TACR3: variants seen among roughly 807,000 people sequenced by gnomAD.
The protein encoded by TACR3 is neuromedin-K receptor.
In TACR3, 34 loss-of-function variants were observed where a neutral mutation model predicts 35.0. That is an observed-to-expected ratio of 0.97 (90% CI 0.74 to 1.30). The LOEUF (loss-of-function observed/expected upper bound fraction) is 1.30, where lower values mean the gene tolerates loss of function less well. Among genes scored for constraint, TACR3 ranks in the 50% most tolerant of loss-of-function variants. TACR3 has a pLI of 0.00. For missense variants in TACR3, 558 were observed against 591.7 expected, an observed-to-expected ratio of 0.94 and a Z score of 0.59; for synonymous variants, 233 against 221.1, an observed-to-expected ratio of 1.05 and a Z score of -0.48.
At chr4:103,680,484 T>TAC (rs1347262370) in intron 1 of TACR3, among the ~76,000 whole-genome samples, 76 of 106,126 alleles carry the variant, frequency 7.2e-4, no homozygotes, top group African/African-American at 3.2e-3. Context: ...TATATATATA[T>TAC]ATACATACAT....
chr4:103,667,184 G>C (rs1186358741), intron 1 of TACR3, among the ~76,000 whole-genome samples: 2 of 152,168 alleles, frequency 1.3e-5, no homozygotes, highest in Admixed American at 1.3e-4. Flanking sequence ...CTTGAACCCA[G>C]GAGGCGGAGG....
intron 3 of TACR3, among the ~76,000 whole-genome samples, chr4:103,629,850 C>CAAAAAAAAAA (rs1170682602): frequency 2.2e-5 from 2 of 90,086 alleles, no homozygotes; most frequent in Non-Finnish European, 4.4e-5. Context: ...CTAAGCAAAA[C>CAAAAAAAAAA]AAAAAAAAAA....
intron 3 of TACR3, among the ~76,000 whole-genome samples, chr4:103,636,686 G>A (rs9997298): frequency 0.028 from 4,307 of 151,818 alleles, 214 homozygotes; most frequent in African/African-American, 0.098. Context: ...TTGATAGACC[G>A]CTAGCAAGAC....
At chr4:103,685,620 C>T (rs1358921366) in intron 1 of TACR3, among the ~76,000 whole-genome samples, 3 of 152,032 alleles carry the variant, frequency 2.0e-5, no homozygotes, top group South Asian at 2.1e-4. Flanking sequence ...TGACAAAGTA[C>T]TCATATGCAG....
intron 3 of TACR3, among the ~76,000 whole-genome samples, chr4:103,654,984 G>A (rs1455685218): frequency 1.3e-5 from 2 of 152,046 alleles, no homozygotes; most frequent in Non-Finnish European, 2.9e-5. Flanking sequence ...GAGGCCATTT[G>A]GTTGTTTGTG....
intron 1 of TACR3, among the ~76,000 whole-genome samples, chr4:103,681,235 A>G (rs1184369752): frequency 6.6e-6 from 1 of 152,066 alleles, no homozygotes; most frequent in East Asian, 1.9e-4. Flanking sequence ...ATACAAAGTC[A>G]CATTCCTACG....
At chr4:103,635,394 A>T (rs922966723) in intron 3 of TACR3, among the ~76,000 whole-genome samples, 2 of 151,892 alleles carry the variant, frequency 1.3e-5, no homozygotes, top group Non-Finnish European at 2.9e-5. Context: ...TTGAGGGGAG[A>T]GGTCTCCATG....
chr4:103,596,484 C>T (rs1312055012), intron 3 of TACR3, among the ~76,000 whole-genome samples: 1 of 151,966 alleles, frequency 6.6e-6, no homozygotes, highest in African/African-American at 2.4e-5. Flanking sequence ...TTTTGGTTTG[C>T]ATTTGTCTGT....
chr4:103,664,592 C>T (rs761638866), intron 1 of TACR3, among the ~76,000 whole-genome samples: 1 of 152,046 alleles, frequency 6.6e-6, no homozygotes, highest in Non-Finnish European at 1.5e-5. Flanking sequence ...CTGTTAAGTC[C>T]CAAACACAAA....
intron 3 of TACR3, among the ~76,000 whole-genome samples, chr4:103,612,907 T>A (rs964036218): frequency 2.0e-5 from 3 of 152,178 alleles, no homozygotes; most frequent in Non-Finnish European, 2.9e-5. Context: ...TAAATGAATA[T>A]ATAAATAGAT....
chr4:103,676,921 C>T (rs924939338), intron 1 of TACR3, among the ~76,000 whole-genome samples: 5 of 151,988 alleles, frequency 3.3e-5, no homozygotes, highest in Admixed American at 6.6e-5. Context: ...GAGTAAACAG[C>T]CAACCTACAG....
At chr4:103,631,719 A>G (rs189022998) in intron 3 of TACR3, among the ~76,000 whole-genome samples, 1 of 152,342 alleles carries the variant, frequency 6.6e-6, no homozygotes, top group Admixed American at 6.5e-5. Flanking sequence ...TAAGCAAGTC[A>G]CATCACATGA....
At chr4:103,685,492 G>A (rs1008206297) in intron 1 of TACR3, among the ~76,000 whole-genome samples, 1 of 152,080 alleles carries the variant, frequency 6.6e-6, no homozygotes, top group African/African-American at 2.4e-5. Context: ...GTTCATATGA[G>A]CAAAAATGTT....
intron 1 of TACR3, among the ~76,000 whole-genome samples, chr4:103,678,313 G>T (rs1193460769): frequency 6.6e-6 from 1 of 152,022 alleles, no homozygotes; most frequent in Non-Finnish European, 1.5e-5. Flanking sequence ...CTTTAAATTT[G>T]CAAAGATGAT....
chr4:103,640,282 A>G (rs765462925), intron 3 of TACR3, among the ~76,000 whole-genome samples: 2 of 152,076 alleles, frequency 1.3e-5, no homozygotes, highest in Non-Finnish European at 2.9e-5. Flanking sequence ...TACACACAAT[A>G]TCATAAATGC....
At chr4:103,595,385 G>A (rs1723982704) in intron 3 of TACR3, among the ~76,000 whole-genome samples, 1 of 152,112 alleles carries the variant, frequency 6.6e-6, no homozygotes, top group Admixed American at 6.6e-5. Context: ...GGAGGAAAGT[G>A]GGGACATGTA....
chr4:103,697,691 T>A (rs1722554152), intron 1 of TACR3, among the ~76,000 whole-genome samples: 1 of 152,158 alleles, frequency 6.6e-6, no homozygotes, highest in African/African-American at 2.4e-5. Flanking sequence ...CCCAAAGTGC[T>A]GAGATTGCAG....
intron 1 of TACR3, among the ~76,000 whole-genome samples, chr4:103,713,763 C>G (rs1179477009): frequency 1.3e-5 from 2 of 151,962 alleles, no homozygotes; most frequent in African/African-American, 4.8e-5. Context: ...AAAACAGGCC[C>G]AGAACTTAGT....
intron 1 of TACR3, among the ~76,000 whole-genome samples, chr4:103,711,171 C>T (rs914759560): frequency 6.6e-6 from 1 of 152,134 alleles, no homozygotes; most frequent in Admixed American, 6.6e-5. Flanking sequence ...ACACCAAACC[C>T]TGGCAGAGAC....
Sources: allele counts gnomAD v4.1 joint callset (sites outside exome capture counted in the v4.1 genomes callset), GRCh38; gene constraint gnomAD v4.1.1; transcripts MANE v1.5; gene names NCBI Gene and HGNC (gene_info 2026-07-23, HGNC 2026-07-21).